Variants in SLC22A25 observed in about 807,000 individuals in gnomAD.
SLC22A25 encodes solute carrier family 22 member 25, also known as MGI:2442751, MGI:2385316, MGI:3042283, MGI:3645714, MGI:3605624, MGI:2442750.
Under a neutral mutation model 45.9 loss-of-function variants are expected in SLC22A25, and 44 were observed. The ratio of observed to expected loss-of-function variants is 0.96; its 90% CI spans 0.75 to 1.23. The LOEUF is 1.23. SLC22A25 is among the 50% of genes most tolerant of loss of function. SLC22A25 has a pLI of 0.00. For missense variants in SLC22A25, 800 were observed against 666.4 expected (o/e 1.20, Z -2.21); for synonymous variants, 283 against 238.6 (o/e 1.19, Z -1.72).
intron 7 of SLC22A25, among the ~76,000 whole-genome samples, chr11:63,198,836 C>T (rs912257514): frequency 6.6e-5 from 10 of 152,054 alleles, no homozygotes; most frequent in African/African-American, 1.9e-4. Context: ...TGGCAGAAAT[C>T]AAGAAATTCT....
intron 7 of SLC22A25, among the ~76,000 whole-genome samples, chr11:63,196,684 G>C (rs2089046294): frequency 6.6e-6 from 1 of 152,180 alleles, no homozygotes; most frequent in Non-Finnish European, 1.5e-5. Context: ...CATTCCCTTT[G>C]AAAACTGGCA....
chr11:63,233,583 C>T (rs1011141911), intron 3 of SLC22A25, among the ~76,000 whole-genome samples: 2 of 152,082 alleles, frequency 1.3e-5, no homozygotes, highest in Admixed American at 6.5e-5. Flanking sequence ...TTTCAAAAAA[C>T]CAGCTCCTGG....
At chr11:63,230,739 G>A (rs919883165) in intron 3 of SLC22A25, among the ~76,000 whole-genome samples, 3 of 152,126 alleles carry the variant, frequency 2.0e-5, no homozygotes, top group African/African-American at 7.2e-5. Flanking sequence ...CCATGTTGGT[G>A]CGCTGCACCC....
At position 63,178,038 on chromosome 11, in the gene SLC22A25, G is replaced by A. The variant is rs565317466; in HGVS notation, c.1070+2622C>T. ...CTACACATATGTGCCACCATGCCTGGCTAATTTTTTGTATTTTTATTTATT... is the reference window on the plus strand; with the variant it reads ...CTACACATATGTGCCACCATGCCTGACTAATTTTTTGTATTTTTATTTATT... On this transcript the variant is annotated intron_variant, in intron 9 of 11. Coordinates refer to ENST00000306494, the MANE Select transcript of SLC22A25 (RefSeq NM_199352.6). Among the ~76,000 whole-genome samples, 3 of 134,544 alleles carry A rather than the reference G, an allele frequency of 2.2e-5. No homozygotes were observed. In the South Asian group the frequency reaches 7.9e-4, roughly 35 times the overall value. 88.3% of individuals were successfully genotyped at this position (134,544 alleles called of 152,430 possible).
chr11:63,190,299 C>G (rs2088754583), intron 7 of SLC22A25, among the ~76,000 whole-genome samples: 1 of 152,070 alleles, frequency 6.6e-6, no homozygotes, highest in Non-Finnish European at 1.5e-5. Context: ...TTCATTTGAT[C>G]TTTCATCACT....
At chr11:63,190,231 GC>G (rs1454563877) in intron 7 of SLC22A25, among the ~76,000 whole-genome samples, 1 of 152,068 alleles carries the variant, frequency 6.6e-6, no homozygotes, top group African/African-American at 2.4e-5. Flanking sequence ...TTTCCTGGAG[GC>G]TTTTCTTGTT....
At chr11:63,215,575 G>A (rs1432037980) in intron 7 of SLC22A25, among the ~76,000 whole-genome samples, 2 of 152,110 alleles carry the variant, frequency 1.3e-5, no homozygotes, top group African/African-American at 4.8e-5. Context: ...AGAACTTAGA[G>A]TATAATAAAA....
At chr11:63,223,756 T>C (rs1186142764) in intron 5 of SLC22A25, among the ~76,000 whole-genome samples, 1 of 152,126 alleles carries the variant, frequency 6.6e-6, no homozygotes, top group Non-Finnish European at 1.5e-5. Context: ...CACTTATAGC[T>C]CTAAACTTCC....
chr11:63,220,204 A>T (rs148042997), intron 5 of SLC22A25, among the ~76,000 whole-genome samples: 2 of 152,284 alleles, frequency 1.3e-5, no homozygotes, highest in African/African-American at 4.8e-5. Flanking sequence ...TTCTCAGGAC[A>T]CCATCAATGA....
rs777173364 is a variant in SLC22A25, at chr11:63,180,690, C to T, written c.1040G>A (p.Cys347Tyr). 1 of 1,612,988 alleles carries T rather than the reference C, an allele frequency of 6.2e-7. No individual in the cohort carries two copies. The highest frequency in any genetic ancestry group is 1.7e-5 in the Admixed American group (1 of 59,836). ...AAAGGACAGGAAACAGATTCTTTTA[C>T]ATATGTTGGGTATGCGGAGCAATTC... ...LCELLRIPNICKRICFLSFVR... is the reference protein window; with the variant it reads ...LCELLRIPNIYKRICFLSFVR... Residue 347 changes from cysteine (C) to tyrosine (Y), a missense_variant, in exon 9 of 12, where the codon TGT becomes TAT. By Grantham distance (194) the Cys-to-Tyr change is radical. Transcript: ENST00000306494.
chr11:63,201,767 A>G (rs932970632), intron 7 of SLC22A25, among the ~76,000 whole-genome samples: 1 of 152,180 alleles, frequency 6.6e-6, no homozygotes, highest in African/African-American at 2.4e-5. Context: ...CATCCAATAA[A>G]GGTCTGATAT....
chr11:63,205,388 TAAC>T (rs1303836370), intron 7 of SLC22A25, among the ~76,000 whole-genome samples: 2 of 149,986 alleles, frequency 1.3e-5, no homozygotes, highest in African/African-American at 4.9e-5. Flanking sequence ...TTGAAAAAAA[TAAC>T]AAAATAGACC....
At chr11:63,203,433 C>G (rs1017597698) in intron 7 of SLC22A25, among the ~76,000 whole-genome samples, 2 of 151,838 alleles carry the variant, frequency 1.3e-5, no homozygotes, top group Non-Finnish European at 2.9e-5. Flanking sequence ...GAATGGCTAA[C>G]TAGAATAACC....
Position 63,202,563 on chromosome 11 carries a change from A to G in SLC22A25, c.830+14751T>C, listed in dbSNP as rs546902489. 7.2e-5 allele frequency among the ~76,000 whole-genome samples: 11 copies of G among 152,308 alleles called. No homozygotes were observed. The South Asian group carries it at 2.3e-3, about 32-fold the overall frequency. ...AAATTTGAATTGGGCGGAGCCCACC[A>G]CGGCTCAGTGCCTAAGCTGCTGTAG... On this transcript the variant is annotated intron_variant, in intron 7 of 11. Transcript: ENST00000306494.
At position 63,166,064 on chromosome 11, in the gene SLC22A25, G is replaced by A. The variant is rs751974630; in HGVS notation, c.1265C>T (p.Ala422Val). The change falls in exon 10 of 12, where the codon GCC (alanine) becomes GTC (valine). Residue 422 changes from alanine (A) to valine (V), a missense_variant. Coordinates refer to ENST00000306494, the MANE Select transcript of SLC22A25 (RefSeq NM_199352.6). ...CTCACCTTGAGGCACAAATATGATGGCCAGAAGGCAGGTTGCCAGTAGGAA... is the reference window on the plus strand; with the variant it reads ...CTCACCTTGAGGCACAAATATGATGACCAGAAGGCAGGTTGCCAGTAGGAA... ...LMFLLATCLL[A>V]IIFVPQEMQT... 6.2e-7 allele frequency: 1 copy of A among 1,613,880 alleles called. No homozygotes were observed.
At chr11:63,171,792 A>G (rs1381777276) in intron 9 of SLC22A25, among the ~76,000 whole-genome samples, 2 of 152,208 alleles carry the variant, frequency 1.3e-5, no homozygotes, top group Non-Finnish European at 2.9e-5. Context: ...TTTTTGCAGA[A>G]CTAGAAAAAA....
At chr11:63,186,916 G>C (rs1449015469) in intron 7 of SLC22A25, among the ~76,000 whole-genome samples, 1 of 152,024 alleles carries the variant, frequency 6.6e-6, no homozygotes, top group Non-Finnish European at 1.5e-5. Flanking sequence ...CTCTGTTTTG[G>C]TACCAGTACC....
chr11:63,173,314 C>G (rs2087959867), intron 9 of SLC22A25, among the ~76,000 whole-genome samples: 1 of 152,036 alleles, frequency 6.6e-6, no homozygotes, highest in African/African-American at 2.4e-5. Flanking sequence ...CAGAAAACCA[C>G]CATGGCACAT....
At position 63,243,538 on chromosome 11, in the gene SLC22A25, G is replaced by A. The variant is rs1590932299; in HGVS notation, c.-1100C>T. 2 of 763,528 alleles carry A rather than the reference G, an allele frequency of 2.6e-6. No individual in the cohort carries two copies. The highest frequency in any genetic ancestry group is 4.9e-5 in the East Asian group (2 of 40,736). The allele number at this position is 763,528 out of a possible 1,614,324, so 47.3% of individuals were successfully genotyped here. On this transcript the variant is annotated 5_prime_UTR_variant, in exon 1 of 12. Coordinates refer to ENST00000306494, the MANE Select transcript of SLC22A25 (RefSeq NM_199352.6). Reference sequence around the variant, plus strand: ...CCAGGCTCAAAGAGTCCAGCCCACTGACTGCCAAAAAGCTGTGCATTTATA... The same window carrying A: ...CCAGGCTCAAAGAGTCCAGCCCACTAACTGCCAAAAAGCTGTGCATTTATA...
Sources: gnomAD v4.1 joint callset for allele counts (sites outside exome capture counted in the v4.1 genomes callset) on GRCh38, gnomAD v4.1.1 for gene constraint, MANE v1.5 for transcripts, NCBI Gene and HGNC (gene_info 2026-07-23, HGNC 2026-07-21) for gene names.